GNL3L: variants seen among roughly 807,000 people sequenced by gnomAD.
GNL3L encodes the protein G protein nucleolar 3 like.
Under a neutral mutation model 42.9 loss-of-function variants are expected in GNL3L, and 4 were observed. The observed-to-expected ratio is 0.09, with a 90% CI of 0.05 to 0.21. GNL3L has a LOEUF of 0.21. Ranked by LOEUF, GNL3L falls within the 10% of genes least tolerant of loss-of-function variation. The pLI is 1.00. For missense variants in GNL3L, 412 were observed against 481.7 expected, an observed-to-expected ratio of 0.86 and a Z score of 1.36; for synonymous variants, 159 against 176.3, an observed-to-expected ratio of 0.90 and a Z score of 0.78.
At chrX:54,645,558 T>C in the GNL3L span, among the ~76,000 whole-genome samples, 1 of 112,301 alleles carries the variant, frequency 8.9e-6, no homozygotes, top group Non-Finnish European at 1.9e-5. Flanking sequence ...TTTTACTTCT[T>C]CAATTTACTG....
rs773703010 is a variant in GNL3L, at chrX:54,561,957, T to A, written c.*1355T>A. Among the ~76,000 whole-genome samples the A allele has an allele frequency of 2.9e-4, 33 of 112,324 alleles. No individual in the cohort carries two copies. The South Asian group carries it at 5.2e-3, about 18-fold the overall frequency. ...ACACAATCTTCTTTCTTTGCCAGGGTATTTTGGGGGTTTTGCCCCAAAATA... is the reference window on the plus strand; with the variant it reads ...ACACAATCTTCTTTCTTTGCCAGGGAATTTTGGGGGTTTTGCCCCAAAATA... On this transcript the variant is annotated 3_prime_UTR_variant, in exon 16 of 16. Coordinates refer to ENST00000360845, the MANE Select transcript of GNL3L (RefSeq NM_001184819.2).
chrX:54,579,441 G>A (rs140769195), intron 16 of GNL3L, among the ~76,000 whole-genome samples: 1,266 of 111,815 alleles, frequency 0.011, 14 homozygotes, highest in African/African-American at 0.039. Context: ...TTGCTTTGCC[G>A]CCCAGGCTGG....
chrX:54,639,570 A>G, the GNL3L span, among the ~76,000 whole-genome samples: 7 of 112,138 alleles, frequency 6.2e-5, no homozygotes, highest in Non-Finnish European at 1.3e-4. Flanking sequence ...AATGGCGAGC[A>G]AGCGGTCGTG....
intron 16 of GNL3L, among the ~76,000 whole-genome samples, chrX:54,573,177 T>C (rs1353317908): frequency 8.9e-6 from 1 of 112,010 alleles, no homozygotes; most frequent in Non-Finnish European, 1.9e-5. Flanking sequence ...CTCGGCACTT[T>C]GGGAGGCCAA....
intron 14 of GNL3L, 72 bp from the exon 15 acceptor site, chrX:54,558,364 C>A: frequency 1.3e-6 from 1 of 769,144 alleles, no homozygotes; most frequent in Non-Finnish European, 2.0e-6. Context: ...GTGTCCCTAC[C>A]TTTTCTGCAG....
rs775851809 is a variant in GNL3L, at chrX:54,558,505, G to T, written c.1516G>T (p.Asp506Tyr). Residue 506 changes from aspartate (D) to tyrosine (Y), a missense_variant, in exon 15 of 16, where the codon GAC (aspartate) becomes TAC (tyrosine). Asp to Tyr is a radical substitution (Grantham distance 160, BLOSUM62 -3). Coordinates refer to ENST00000360845, the MANE Select transcript of GNL3L (RefSeq NM_001184819.2). ...HQMGWAKRNVDHRPKSNSMVD... is the reference protein window; with the variant it reads ...HQMGWAKRNVYHRPKSNSMVD... ...GATGGGGTGGGCTAAACGCAATGTG[G>T]ACCACCGCCCTAAGAGCAACAGTAT... 8.3e-7 allele frequency: 1 copy of T among 1,207,394 alleles called. No individual in the cohort carries two copies. The highest frequency in any genetic ancestry group is 1.1e-6 in the Non-Finnish European group (1 of 893,136).
the GNL3L span, among the ~76,000 whole-genome samples, chrX:54,642,393 A>G: frequency 1.8e-5 from 2 of 111,779 alleles, no homozygotes; most frequent in East Asian, 2.8e-4. Context: ...CTGAACATCA[A>G]TCAGCTCCTT....
chrX:54,584,312 A>G (rs1925754174), intron 16 of GNL3L, among the ~76,000 whole-genome samples: 1 of 110,905 alleles, frequency 9.0e-6, no homozygotes, highest in South Asian at 3.8e-4. Flanking sequence ...GATTACAGGC[A>G]TGAGCACTGC....
At chrX:54,635,504 T>A in the GNL3L span, among the ~76,000 whole-genome samples, 2 of 111,814 alleles carry the variant, frequency 1.8e-5, no homozygotes, top group African/African-American at 6.5e-5. Flanking sequence ...TGTTGAAAGC[T>A]ATATGTTTGA....
chrX:54,632,909 A>T, the GNL3L span, among the ~76,000 whole-genome samples: 49 of 111,750 alleles, frequency 4.4e-4, no homozygotes, highest in Non-Finnish European at 7.5e-4. Flanking sequence ...CAGAGGGAAG[A>T]TCGGTGACTC....
intron 16 of GNL3L, among the ~76,000 whole-genome samples, chrX:54,584,562 T>C (rs1408697400): frequency 1.8e-5 from 2 of 111,837 alleles, no homozygotes; most frequent in Non-Finnish European, 3.8e-5. Flanking sequence ...TGCAGCACGA[T>C]TGTACATATA....
chrX:54,600,206 CTTTTTTTTTTTTTTTTTTTTT>C (rs1172527598), intron 16 of GNL3L, among the ~76,000 whole-genome samples: 2 of 13,386 alleles, frequency 1.5e-4, no homozygotes, highest in South Asian at 4.2e-3. Context: ...CAATCTGCTG[CTTTTTTTTTTTTTTTTTTTTT>C]TTTTTTTTTT....
At chrX:54,545,182 C>T (rs1924737440) in intron 8 of GNL3L, among the ~76,000 whole-genome samples, 1 of 111,592 alleles carries the variant, frequency 9.0e-6, no homozygotes, top group African/African-American at 3.3e-5. Context: ...TCCCAAAGTG[C>T]TGGGATTACA....
chrX:54,569,214 A>G (rs528130667), downstream of GNL3L, among the ~76,000 whole-genome samples: 1 of 111,963 alleles, frequency 8.9e-6, no homozygotes, highest in African/African-American at 3.2e-5. Flanking sequence ...TATCTTTGGT[A>G]TCGGGGTAAT....
At chrX:54,619,480 G>C (rs1170938254) in intron 16 of GNL3L, among the ~76,000 whole-genome samples, 1 of 107,403 alleles carries the variant, frequency 9.3e-6, no homozygotes, top group Non-Finnish European at 1.9e-5. Context: ...GGAGTTACAG[G>C]AGTAGGGAGG....
At position 54,563,126 on chromosome X, in the gene GNL3L, A is replaced by T. The variant is rs1389311896; in HGVS notation, c.*2524A>T. The stretch of plus-strand genomic sequence containing the variant: ...CACTATCTCATTGAACTCTCCTGGT[A>T]TGTGATAGTGTTATAATGAAAAATT... On this transcript the variant is annotated 3_prime_UTR_variant, in exon 16 of 16. Transcript: ENST00000360845. Among the ~76,000 whole-genome samples, 1 of 111,724 alleles carries T rather than the reference A, an allele frequency of 9.0e-6. No individual in the cohort carries two copies. The highest frequency in any genetic ancestry group is 1.9e-5 in the Non-Finnish European group (1 of 53,116).
intron 16 of GNL3L, among the ~76,000 whole-genome samples, chrX:54,589,603 T>G (rs754044911): frequency 8.9e-6 from 1 of 112,084 alleles, no homozygotes; most frequent in South Asian, 3.7e-4. Context: ...GTACTCCATT[T>G]TGTATGTGTA....
the GNL3L span, among the ~76,000 whole-genome samples, chrX:54,628,249 GTGTA>G: frequency 2.9e-5 from 3 of 102,239 alleles, no homozygotes; most frequent in African/African-American, 4.0e-5. Flanking sequence ...GTGTGTGTGT[GTGTA>G]TTCTTTATTT....
At chrX:54,536,804 G>C (rs1173189089) in intron 2 of GNL3L, among the ~76,000 whole-genome samples, 5 of 89,579 alleles carry the variant, frequency 5.6e-5, no homozygotes, top group African/African-American at 1.7e-4. Context: ...AAAAAACAGA[G>C]AGAGAGAGGG....
Sources: allele counts gnomAD v4.1 joint callset (sites outside exome capture counted in the v4.1 genomes callset), GRCh38; gene constraint gnomAD v4.1.1; transcripts MANE v1.5; gene names NCBI Gene and HGNC (gene_info 2026-07-23, HGNC 2026-07-21).